The following ASPH variants were observed in gnomAD, a reference collection of about 807,000 sequenced individuals.
ASPH encodes aspartate beta-hydroxylase, also known as aspartyl/asparaginyl beta-hydroxylase.
ASPH carries 100 observed loss-of-function variants against 118.4 expected under a neutral mutation model. The ratio of observed to expected loss-of-function variants is 0.84; its 90% confidence interval spans 0.72 to 1.00. ASPH has a LOEUF of 1.00. ASPH is among the 50% of genes least tolerant of loss of function. The probability of loss-of-function intolerance (pLI) is 0.00; values close to 1 mark genes in which losing one functional copy is unlikely to be tolerated. For synonymous variants in ASPH, 315 were observed against 325.6 expected (o/e 0.97, Z 0.35); for missense variants, 920 against 919.5 (o/e 1.00, Z -0.01).
chr8:61,584,061 G>A (rs1006832972), intron 14 of ASPH, 32 bp from the exon 15 acceptor site: 23 of 1,323,324 alleles, frequency 1.7e-5, no homozygotes, highest in African/African-American at 1.2e-4. Flanking sequence ...TATTTTTAAC[G>A]TTTTTTGACT....
chr8:61,517,989 C>T (rs1811519533), intron 23 of ASPH, 43 bp downstream of exon 23: 1 of 1,560,832 alleles, frequency 6.4e-7, no homozygotes, highest in Non-Finnish European at 8.8e-7. Context: ...GCCCTTATTC[C>T]TAACAATTAA....
Position 61,624,442 on chromosome 8 carries a change from T to C in ASPH, c.935-5423A>G, listed in dbSNP as rs554480963. On this transcript the variant is annotated intron_variant, in intron 13 of 24. Coordinates refer to ENST00000379454, the MANE Select transcript of ASPH (RefSeq NM_004318.4). Reference sequence around the variant, plus strand: ...TTGTGATTTTAGTTATCAAAAATGCTATAATCTTCTAAAATACTAGTAAGG... The same window carrying C: ...TTGTGATTTTAGTTATCAAAAATGCCATAATCTTCTAAAATACTAGTAAGG... 48 of 982,912 alleles carry C rather than the reference T, an allele frequency of 4.9e-5. No homozygotes were observed. In the African/African-American group the frequency reaches 7.3e-4, roughly 15 times the overall value. The allele number at this position is 982,912 out of a possible 1,614,324, so 60.9% of individuals were successfully genotyped here. A position where few individuals can be genotyped will look rare whatever the true frequency, so the allele number is the denominator to read the frequency against.
chr8:61,625,507 T>G (rs1324193125), intron 13 of ASPH: 2 of 985,228 alleles, frequency 2.0e-6, no homozygotes, highest in Non-Finnish European at 2.4e-6. Context: ...ATGATTAATC[T>G]GAGGTGCCAA....
At chr8:61,671,108 G>A (rs192198434) in intron 3 of ASPH, among the ~76,000 whole-genome samples, 4 of 152,256 alleles carry the variant, frequency 2.6e-5, no homozygotes, top group South Asian at 4.1e-4. Flanking sequence ...GTGACAGCAC[G>A]TAGAGGGGAA....
intron 15 of ASPH, chr8:61,578,438 G>A (rs1836109641): frequency 1.9e-6 from 3 of 1,601,954 alleles, no homozygotes; most frequent in African/African-American, 2.7e-5. Flanking sequence ...AGAGCCTACT[G>A]AGCCCCCTTG....
intron 5 of ASPH, among the ~76,000 whole-genome samples, chr8:61,648,275 C>G (rs1420475942): frequency 2.0e-5 from 3 of 152,160 alleles, no homozygotes; most frequent in Non-Finnish European, 4.4e-5. Flanking sequence ...ACTGAATCCC[C>G]CTACCCCACA....
chr8:61,696,268 T>C (rs1386320889), intron 1 of ASPH, among the ~76,000 whole-genome samples: 1 of 152,146 alleles, frequency 6.6e-6, no homozygotes, highest in Non-Finnish European at 1.5e-5. Context: ...TTTTAGAACT[T>C]AGGAAAACAA....
At chr8:61,706,063 A>T (rs115581627) in intron 1 of ASPH, among the ~76,000 whole-genome samples, 4,446 of 152,278 alleles carry the variant, frequency 0.029, 82 homozygotes, top group South Asian at 0.043. Context: ...AAGTACCCAG[A>T]CTTAATCTAA....
Position 61,536,980 on chromosome 8 carries a change from A to C in ASPH, c.1765-10868T>G, listed in dbSNP as rs150237402. ...CTGGGGTGACAGGAGAGTCTTGGAG[A>C]AATGACTTTTGCTCGTTCTAGTGAG... On this transcript the variant is annotated intron_variant, in intron 21 of 24. Coordinates refer to ENST00000379454, the MANE Select transcript of ASPH (RefSeq NM_004318.4). Among the ~76,000 whole-genome samples the C allele has an allele frequency of 1.6e-3, 245 of 152,294 alleles. 10 individuals are homozygous for C. In the East Asian group the frequency reaches 0.04, roughly 25 times the overall value.
At position 61,502,026 on chromosome 8, in the gene ASPH, T is replaced by C. The variant is rs1805023629; in HGVS notation, c.*1333A>G. The C allele has an allele frequency of 6.6e-6, 1 of 152,222 alleles. No individual in the cohort carries two copies. Among genetic ancestry groups the C allele is most frequent in the Non-Finnish European group, 1.5e-5 (1 of 68,032 alleles). The allele number at this position is 152,222 out of a possible 1,614,324, so 9.4% of individuals were successfully genotyped here. A position where few individuals can be genotyped will look rare whatever the true frequency, so the allele number is the denominator to read the frequency against. Reference sequence around the variant, plus strand: ...CTTATATCTAACATTCCTAGTTAGCTTTGATTCAAAATATACAAAATCTGA... The same window carrying C: ...CTTATATCTAACATTCCTAGTTAGCCTTGATTCAAAATATACAAAATCTGA... On this transcript the variant is annotated 3_prime_UTR_variant, in exon 25 of 25. Transcript: ENST00000379454.
chr8:61,570,972 T>C (rs1833318709), intron 16 of ASPH, among the ~76,000 whole-genome samples: 2 of 152,206 alleles, frequency 1.3e-5, no homozygotes, highest in African/African-American at 4.8e-5. Context: ...CAGTGCTACT[T>C]TAGAAATGAG....
chr8:61,694,582 C>G (rs1056693640), intron 1 of ASPH, among the ~76,000 whole-genome samples: 2 of 152,228 alleles, frequency 1.3e-5, no homozygotes, highest in African/African-American at 4.8e-5. Context: ...ACTCTCTTCC[C>G]TCGACTCTCA....
chr8:61,559,944 G>A (rs111564154), intron 18 of ASPH, among the ~76,000 whole-genome samples: 549 of 26,796 alleles, frequency 0.02, 3 homozygotes, highest in African/African-American at 0.034. Context: ...TGAGGGTTGG[G>A]GGGGGGAGCA....
chr8:61,623,658 C>G (rs985042892), intron 13 of ASPH: 1 of 152,152 alleles, frequency 6.6e-6, no homozygotes, highest in Admixed American at 6.5e-5. Context: ...TTTCTCTTAG[C>G]AATCCCACTG....
At chr8:61,584,223 A>G (rs1264918537) in intron 14 of ASPH, among the ~76,000 whole-genome samples, 194 bp from the exon 15 acceptor site, 3 of 152,130 alleles carry the variant, frequency 2.0e-5, no homozygotes, top group African/African-American at 4.8e-5. Flanking sequence ...AAGGAAGGCA[A>G]TGCAGCCCTT....
At chr8:61,676,723 T>G (rs2151541654) in intron 3 of ASPH, among the ~76,000 whole-genome samples, 1 of 152,260 alleles carries the variant, frequency 6.6e-6, no homozygotes, top group Non-Finnish European at 1.5e-5. Flanking sequence ...ATTTGCTCAT[T>G]TACCAACCAG....
At chr8:61,598,230 A>T (rs540265626) in intron 14 of ASPH, among the ~76,000 whole-genome samples, 1 of 152,348 alleles carries the variant, frequency 6.6e-6, no homozygotes, top group South Asian at 2.1e-4. Flanking sequence ...TCTGCCTACA[A>T]GAAACTCATT....
At chr8:61,578,846 G>A (rs1332268156) in intron 15 of ASPH, 7 of 1,612,558 alleles carry the variant, frequency 4.3e-6, no homozygotes, top group Non-Finnish European at 3.4e-6. Flanking sequence ...ACAAGGTAGA[G>A]CTGGAGTCTC....
intron 3 of ASPH, chr8:61,665,708 A>G: frequency 8.1e-7 from 1 of 1,235,748 alleles, no homozygotes; most frequent in East Asian, 2.5e-5. Context: ...ATCTCTCCAC[A>G]CACAGGAAAT....
Sources: gnomAD v4.1 joint callset for allele counts (sites outside exome capture counted in the v4.1 genomes callset) on GRCh38, gnomAD v4.1.1 for gene constraint, MANE v1.5 for transcripts, NCBI Gene and HGNC (gene_info 2026-07-23, HGNC 2026-07-21) for gene names.